The following DLGAP5 variants were observed in gnomAD, a reference collection of about 807,000 sequenced individuals.
The protein encoded by DLGAP5 is DLG associated protein 5.
In DLGAP5, 90 loss-of-function variants were observed where a neutral mutation model predicts 99.6. The observed-to-expected ratio is 0.90, with a 90% CI of 0.76 to 1.08. DLGAP5 has a LOEUF of 1.08. Among genes scored for constraint, DLGAP5 ranks in the 50% least tolerant of loss-of-function variants. The pLI, the probability that DLGAP5 is intolerant of heterozygous loss-of-function variation, is 0.00. For missense variants in DLGAP5, 1,036 were observed against 983.5 expected (o/e 1.05, Z -0.71); for synonymous variants, 311 against 321.3 (o/e 0.97, Z 0.34).
intron 10 of DLGAP5, among the ~76,000 whole-genome samples, chr14:55,174,692 T>C (rs531589088): frequency 1.1e-4 from 16 of 150,432 alleles, no homozygotes; most frequent in Middle Eastern, 3.5e-3. Flanking sequence ...TATATGTATA[T>C]AGATATATAT....
intron 15 of DLGAP5, 132 bp from the exon 16 acceptor site, chr14:55,152,779 G>T: frequency 2.9e-6 from 2 of 682,958 alleles, no homozygotes; most frequent in Non-Finnish European, 4.5e-6. Flanking sequence ...TGCAAGATCA[G>T]GCGTGATCCA....
chr14:55,176,845 A>G (rs968597406), intron 8 of DLGAP5, among the ~76,000 whole-genome samples: 1 of 151,908 alleles, frequency 6.6e-6, no homozygotes, highest in South Asian at 2.1e-4. Context: ...GGGCGTGGTG[A>G]CGGGCGCCTG....
At chr14:55,180,541 T>C (rs1279942099) in intron 6 of DLGAP5, 115 bp downstream of exon 6, 44 of 1,428,368 alleles carry the variant, frequency 3.1e-5, no homozygotes, top group Non-Finnish European at 4.0e-5. Context: ...GTATTAGAAT[T>C]TCCTGTTTCC....
rs770371042 is a variant in DLGAP5, at chr14:55,183,580, C to T, written c.412G>A (p.Val138Met). 9 of 1,560,232 alleles carry T rather than the reference C, an allele frequency of 5.8e-6. No homozygotes were observed. Among genetic ancestry groups the T allele is most frequent in the Non-Finnish European group, 6.9e-6 (8 of 1,160,814 alleles). The change falls in exon 3 of 19, where the codon GTG (valine) becomes ATG (methionine). Residue 138 changes from valine (V) to methionine (M), a missense_variant. Coordinates refer to ENST00000247191, the MANE Select transcript of DLGAP5 (RefSeq NM_014750.5). ...PCFLLSNQNA[V>M]KAEPKKAIPS... ...TTTACCTTTTTTGGCTCAGCTTTCACAGCATTCTGGTTTGATAAAAGAAAA... is the reference window on the plus strand; with the variant it reads ...TTTACCTTTTTTGGCTCAGCTTTCATAGCATTCTGGTTTGATAAAAGAAAA...
intron 7 of DLGAP5, among the ~76,000 whole-genome samples, chr14:55,178,627 G>A (rs1395578981): frequency 6.6e-6 from 1 of 152,224 alleles, no homozygotes; most frequent in Non-Finnish European, 1.5e-5. Flanking sequence ...ATCTTAAGGG[G>A]GGACCTATAA....
At chr14:55,159,192 A>C (rs909809714) in intron 13 of DLGAP5, among the ~76,000 whole-genome samples, 1 of 152,236 alleles carries the variant, frequency 6.6e-6, no homozygotes, top group Non-Finnish European at 1.5e-5. Flanking sequence ...ACCATATTTC[A>C]TCAAACTAAA....
In DLGAP5 at chr14:55,181,128, A is replaced by C. The variant is rs576377111; in HGVS notation, c.580+85T>G. On this transcript the variant is annotated intron_variant, in intron 5 of 18. Transcript: ENST00000247191. ...AGACTCTGTCACAAACAAACGAACA[A>C]ATTCCAGTTGACCTTCAAGACACTT... is the stretch of plus-strand genomic sequence containing the variant. 7.2e-5 allele frequency: 93 copies of C among 1,284,734 alleles called. No homozygotes were observed. In the East Asian group the frequency reaches 2.3e-3, roughly 31 times the overall value. 79.6% of individuals were successfully genotyped at this position (1,284,734 alleles called of 1,614,324 possible).
At chr14:55,171,093 A>G (rs1433171941) in intron 10 of DLGAP5, among the ~76,000 whole-genome samples, 1 of 152,238 alleles carries the variant, frequency 6.6e-6, no homozygotes, top group African/African-American at 2.4e-5. Flanking sequence ...AAAGTCAGAC[A>G]TTCCTAAATG....
intron 11 of DLGAP5, among the ~76,000 whole-genome samples, chr14:55,170,293 T>C (rs1331237157): frequency 6.6e-6 from 1 of 151,370 alleles, no homozygotes; most frequent in Non-Finnish European, 1.5e-5. Flanking sequence ...AGAAAATCTT[T>C]TCCATATTGA....
At chr14:55,158,852 C>T in intron 13 of DLGAP5, 111 bp from the exon 14 acceptor site, 1 of 717,958 alleles carries the variant, frequency 1.4e-6, no homozygotes, top group South Asian at 2.0e-5. Flanking sequence ...ATAAAGTATA[C>T]ATAAAATATT....
At chr14:55,169,081 C>G (rs572198922) in intron 12 of DLGAP5, among the ~76,000 whole-genome samples, 1 of 144,356 alleles carries the variant, frequency 6.9e-6, no homozygotes, top group African/African-American at 2.6e-5. Context: ...GAGGCTGAGG[C>G]AAGAGAATGG....
In DLGAP5 at chr14:55,163,094, T is replaced by C; in HGVS notation, c.1549-19A>G. The C allele has an allele frequency of 6.7e-7, 1 of 1,483,732 alleles. No homozygotes were observed. Among genetic ancestry groups the C allele is most frequent in the African/African-American group, 1.4e-5 (1 of 71,700 alleles). 91.9% of individuals were successfully genotyped at this position (1,483,732 alleles called of 1,614,324 possible). ...CTTCTATCTGTTAATAAAGCACAAGTTTACCAGATTAATGCTAGCCATATT... is the reference window on the plus strand; with the variant it reads ...CTTCTATCTGTTAATAAAGCACAAGCTTACCAGATTAATGCTAGCCATATT... On this transcript the variant is annotated intron_variant, in intron 12 of 18. Coordinates refer to ENST00000247191, the MANE Select transcript of DLGAP5 (RefSeq NM_014750.5).
intron 15 of DLGAP5, among the ~76,000 whole-genome samples, chr14:55,153,932 T>G (rs1338161275): frequency 6.6e-6 from 1 of 152,190 alleles, no homozygotes; most frequent in East Asian, 1.9e-4. Context: ...GGCGCGTGTC[T>G]GTAGTCCTAG....
chr14:55,152,103 G>T (rs1386263094), intron 16 of DLGAP5, among the ~76,000 whole-genome samples, 162 bp from the exon 17 acceptor site: 2 of 152,160 alleles, frequency 1.3e-5, no homozygotes, highest in African/African-American at 4.8e-5. Context: ...TCAACAATTA[G>T]TTCAGATAAT....
chr14:55,176,761 G>A (rs1170601409), intron 8 of DLGAP5, among the ~76,000 whole-genome samples: 2 of 151,780 alleles, frequency 1.3e-5, no homozygotes, highest in South Asian at 2.1e-4. Flanking sequence ...GGCGGATCAC[G>A]AGGTCAGGAG....
chr14:55,184,857 T>C (rs1046147776), intron 2 of DLGAP5, among the ~76,000 whole-genome samples: 2 of 152,212 alleles, frequency 1.3e-5, no homozygotes, highest in Non-Finnish European at 2.9e-5. Context: ...ATCTTCAGAA[T>C]CACCCAGCTC....
In DLGAP5 at chr14:55,181,561, T is replaced by A. The variant is rs185306709; in HGVS notation, c.496-264A>T. 2.0e-5 allele frequency among the ~76,000 whole-genome samples: 3 copies of A among 152,332 alleles called. No individual in the cohort carries two copies. The East Asian group carries it at 5.8e-4, about 29-fold the overall frequency. On this transcript the variant is annotated intron_variant, in intron 4 of 18. Coordinates refer to ENST00000247191, the MANE Select transcript of DLGAP5 (RefSeq NM_014750.5). Reference sequence around the variant, plus strand: ...TAAAAACAGCTCACTATAACTTGCCTTCTGAAGGTCCTTAAACACTCCTAG... The same window carrying A: ...TAAAAACAGCTCACTATAACTTGCCATCTGAAGGTCCTTAAACACTCCTAG...
intron 13 of DLGAP5, among the ~76,000 whole-genome samples, chr14:55,161,408 A>AAATTT (rs1555328155): frequency 1.7e-5 from 2 of 115,906 alleles, no homozygotes; most frequent in Non-Finnish European, 3.6e-5. Context: ...TAAAAAAAAA[A>AAATTT]TTTTTTTTTT....
rs1388226856 is a variant in DLGAP5, at chr14:55,182,438, A to T, written c.433-6T>A. The T allele has an allele frequency of 1.9e-6, 3 of 1,604,540 alleles. No individual in the cohort carries two copies. The African/African-American group carries it at 4.1e-5, about 22-fold the overall frequency. On this transcript the variant is annotated splice_polypyrimidine_tract_variant and splice_region_variant and intron_variant, in intron 3 of 18. Transcript: ENST00000247191. ...CGTACAGAAGATGGAATAGCCTTAG[A>T]ACAGTCAAAAGAAGATGAACTTAAA... is the stretch of plus-strand genomic sequence containing the variant.
Sources: allele counts gnomAD v4.1 joint callset (sites outside exome capture counted in the v4.1 genomes callset), GRCh38; gene constraint gnomAD v4.1.1; transcripts MANE v1.5; gene names NCBI Gene and HGNC (gene_info 2026-07-23, HGNC 2026-07-21).